Variants in LAX1 observed in about 807,000 individuals in gnomAD.
LAX1 encodes lymphocyte transmembrane adapter 1.
Under a neutral mutation model 20.7 loss-of-function variants are expected in LAX1, and 17 were observed. That is an observed-to-expected ratio of 0.82 (90% CI 0.56 to 1.23). The LOEUF (loss-of-function observed/expected upper bound fraction) is 1.23, where lower values mean the gene tolerates loss of function less well. Ranked by LOEUF, LAX1 falls within the 50% of genes most tolerant of loss-of-function variation. The probability of loss-of-function intolerance (pLI) is 0.00; values close to 1 mark genes in which losing one functional copy is unlikely to be tolerated. For synonymous variants in LAX1, 165 were observed against 181.0 expected (o/e 0.91, Z 0.71); for missense variants, 470 against 487.0 (o/e 0.97, Z 0.33).
Position 203,774,515 on chromosome 1 carries a change from A to G in LAX1, c.1031A>G (p.Asp344Gly), listed in dbSNP as rs1456389699. The G allele has an allele frequency of 6.2e-6, 10 of 1,614,210 alleles. No homozygotes were observed. The highest frequency in any genetic ancestry group is 8.5e-6 in the Non-Finnish European group (10 of 1,180,020). Residue 344 changes from aspartate (D) to glycine (G), a missense_variant, in exon 5 of 5, where the codon GAT (aspartate) becomes GGT (glycine). Physicochemically the swap from Asp to Gly is moderately conservative, Grantham distance 94. Coordinates refer to ENST00000442561, the MANE Select transcript of LAX1 (RefSeq NM_017773.4). ...AAAAGGACATTCCTTGCTTCAGGGGATTATGCAGACTTTCAGCCATTCACA... is the reference window on the plus strand; with the variant it reads ...AAAAGGACATTCCTTGCTTCAGGGGGTTATGCAGACTTTCAGCCATTCACA... ...CVKRTFLASG[D>G]YADFQPFTQS...
In LAX1 at chr1:203,765,390, C is replaced by T; in HGVS notation, c.-176C>T. On this transcript the variant is annotated 5_prime_UTR_variant, in exon 1 of 5. Transcript: ENST00000442561. The stretch of plus-strand genomic sequence containing the variant: ...GGGCATTAGCCACGTCCAGGTAGAA[C>T]CAAACCTGTTGCTTTTGTATGTTGG... The T allele has an allele frequency of 1.3e-6, 2 of 1,551,802 alleles. No individual in the cohort carries two copies. The highest frequency in any genetic ancestry group is 1.7e-6 in the Non-Finnish European group (2 of 1,147,030).
In LAX1 at chr1:203,774,495, G is replaced by A. The variant is rs774454679; in HGVS notation, c.1011G>A (p.Arg337=). The change falls in exon 5 of 5, where the codon AGG becomes AGA. Residue 337 remains arginine, a synonymous_variant. Transcript: ENST00000442561. The part of the protein sequence containing the change: ...DPGTHVQCVK[R]TFLASGDYAD... ...GGACCCATGTCCAATGTGTCAAAAG[G>A]ACATTCCTTGCTTCAGGGGATTATG... The A allele has an allele frequency of 4.3e-6, 7 of 1,614,220 alleles. No individual in the cohort carries two copies. The highest frequency in any genetic ancestry group is 5.9e-6 in the Non-Finnish European group (7 of 1,180,044).
chr1:203,769,407 A>AAG (rs1667360207), intron 1 of LAX1, among the ~76,000 whole-genome samples: 2 of 80,298 alleles, frequency 2.5e-5, no homozygotes, highest in Non-Finnish European at 6.3e-5. Context: ...AAAAGAAAGA[A>AAG]AGAAAGAAAG....
chr1:203,771,054 T>G, intron 2 of LAX1, 117 bp downstream of exon 2: 1 of 823,366 alleles, frequency 1.2e-6, no homozygotes, highest in African/African-American at 1.7e-5. Flanking sequence ...CCTCAGTTCT[T>G]ACCCGATACA....
chr1:203,771,329 C>T, intron 2 of LAX1, 38 bp from the exon 3 acceptor site: 3 of 1,249,636 alleles, frequency 2.4e-6, no homozygotes, highest in Non-Finnish European at 3.5e-6. Flanking sequence ...GTGCAGCTGA[C>T]CCCCGCCATG....
intron 1 of LAX1, among the ~76,000 whole-genome samples, chr1:203,766,607 T>C (rs1667307332): frequency 1.3e-5 from 2 of 152,208 alleles, no homozygotes; most frequent in East Asian, 3.8e-4. Flanking sequence ...TCTCCAAAAC[T>C]ATTTCTTCAT....
At chr1:203,770,479 A>AG (rs1159960052) in intron 1 of LAX1, among the ~76,000 whole-genome samples, 3 of 47,350 alleles carry the variant, frequency 6.3e-5, no homozygotes, top group East Asian at 1.2e-3. Flanking sequence ...GGAAGGAAGG[A>AG]AGGAAGGAAG....
At chr1:203,771,984 C>G (rs1432220892) in intron 3 of LAX1, 84 bp from the exon 4 acceptor site, 9 of 1,127,036 alleles carry the variant, frequency 8.0e-6, no homozygotes, top group Non-Finnish European at 1.1e-5. Context: ...CACGCAAACC[C>G]GCTTCATCCA....
At chr1:203,769,788 C>CG (rs1667373723) in intron 1 of LAX1, 2 of 50,946 alleles carry the variant, frequency 3.9e-5, no homozygotes, top group Non-Finnish European at 3.7e-5. Context: ...GGGGGGGCGG[C>CG]GGGGGGTGGG....
rs768778970 is a variant in LAX1 at position 203,772,140 on chromosome 1, A to G, written c.383A>G (p.Glu128Gly). 8.7e-6 allele frequency: 14 copies of G among 1,612,618 alleles called. No homozygotes were observed. The highest frequency in any genetic ancestry group is 1.2e-5 in the Non-Finnish European group (14 of 1,178,758). Residue 128 changes from glutamate (E) to glycine (G), a missense_variant, in exon 4 of 5, where the codon GAG (glutamate) becomes GGG (glycine). Glu to Gly is a moderately conservative substitution (Grantham distance 98). Transcript: ENST00000442561. ...CTCTCCAGAAATTCTGAGAGCCCGG[A>G]GCATGTGGTAAGAGTCAAGCTTCTT... is the stretch of plus-strand genomic sequence containing the variant. ...SLLSRNSESP[E>G]HVPSQAGNAF...
At chr1:203,765,687 C>T (rs1667293434) in intron 1 of LAX1, 33 bp downstream of exon 1, 1 of 1,598,732 alleles carries the variant, frequency 6.3e-7, no homozygotes, top group Admixed American at 1.7e-5. Context: ...CTCCACCCTG[C>T]CCTGATTTAG....
At chr1:203,771,673 A>G (rs995518177) in intron 3 of LAX1, among the ~76,000 whole-genome samples, 196 bp downstream of exon 3, 5 of 152,132 alleles carry the variant, frequency 3.3e-5, no homozygotes, top group African/African-American at 1.2e-4. Context: ...AAGGGAGCAG[A>G]GGGTCATCTG....
In LAX1 at chr1:203,774,306, G is replaced by A; in HGVS notation, c.822G>A (p.Leu274=). The A allele has an allele frequency of 6.2e-7, 1 of 1,614,152 alleles. No homozygotes were observed. The highest frequency in any genetic ancestry group is 8.5e-7 in the Non-Finnish European group (1 of 1,180,018). The part of the protein sequence containing the change: ...ISNDYVNMTG[L]DLSAIQERQL... ...ATGACTATGTCAACATGACAGGGTTGGATCTCAGTGCCATCCAGGAAAGGC... is the reference window on the plus strand; with the variant it reads ...ATGACTATGTCAACATGACAGGGTTAGATCTCAGTGCCATCCAGGAAAGGC... Residue 274 remains leucine, a synonymous_variant, in exon 5 of 5, where the codon TTG becomes TTA. Transcript: ENST00000442561.
intron 2 of LAX1, 106 bp downstream of exon 2, chr1:203,771,043 T>G (rs1667413111): frequency 2.2e-6 from 2 of 915,542 alleles, no homozygotes; most frequent in African/African-American, 1.6e-5. Context: ...GCCTGGGGAG[T>G]CCTCAGTTCT....
At chr1:203,772,422 AT>A (rs200200760) in intron 4 of LAX1, among the ~76,000 whole-genome samples, 9 of 151,374 alleles carry the variant, frequency 5.9e-5, no homozygotes, top group African/African-American at 1.7e-4. Context: ...TGATTGGTAT[AT>A]TTTTTTTTCT....
chr1:203,769,454 A>AAAGAAAGAAAGAAAGAAAGAAAG (rs759242546), intron 1 of LAX1, among the ~76,000 whole-genome samples: 4 of 106,408 alleles, frequency 3.8e-5, no homozygotes, highest in Non-Finnish European at 8.7e-5. Flanking sequence ...GGAAAGAAAG[A>AAAGAAAGAAAGAAAGAAAGAAAG]AAAGAAAAGA....
At position 203,775,934 on chromosome 1, in the gene LAX1, C is replaced by T. The variant is rs1054856045; in HGVS notation, c.*1253C>T. 3 of 152,250 alleles carry T rather than the reference C, an allele frequency of 2.0e-5. No homozygotes were observed. The highest frequency in any genetic ancestry group is 4.4e-5 in the Non-Finnish European group (3 of 68,136). 9.4% of individuals were successfully genotyped at this position (152,250 alleles called of 1,614,324 possible). On this transcript the variant is annotated 3_prime_UTR_variant, in exon 5 of 5. Coordinates refer to ENST00000442561, the MANE Select transcript of LAX1 (RefSeq NM_017773.4). Reference sequence around the variant, plus strand: ...TTGAGAAAAGGAGGGAAGTTTGCTACAAAGGGGCTGCAAAGGGAATAGGCT... The same window carrying T: ...TTGAGAAAAGGAGGGAAGTTTGCTATAAAGGGGCTGCAAAGGGAATAGGCT...
At chr1:203,770,360 G>A (rs1167287143) in intron 1 of LAX1, among the ~76,000 whole-genome samples, 5 of 134,222 alleles carry the variant, frequency 3.7e-5, no homozygotes, top group South Asian at 5.3e-4. Context: ...AGGTTGCAGC[G>A]AGCTGAGATT....
intron 4 of LAX1, among the ~76,000 whole-genome samples, 183 bp from the exon 5 acceptor site, chr1:203,773,692 T>C (rs555374848): frequency 7.2e-6 from 1 of 138,328 alleles, no homozygotes; most frequent in Admixed American, 7.2e-5. Context: ...CCCCCACCAA[T>C]TGATTCCCAT....
Sources: gnomAD v4.1 joint callset for allele counts (sites outside exome capture counted in the v4.1 genomes callset) on GRCh38, gnomAD v4.1.1 for gene constraint, MANE v1.5 for transcripts, NCBI Gene and HGNC (gene_info 2026-07-23, HGNC 2026-07-21) for gene names.